CCDC178: variants seen among roughly 807,000 people sequenced by gnomAD.
The protein encoded by CCDC178 is coiled-coil domain-containing protein 178.
Under a neutral mutation model 117.4 loss-of-function variants are expected in CCDC178, and 126 were observed. The observed-to-expected ratio is 1.07, with a 90% CI of 0.93 to 1.24. The LOEUF (loss-of-function observed/expected upper bound fraction) is 1.24. Among genes scored for constraint, CCDC178 ranks in the 50% most tolerant of loss-of-function variants. CCDC178 has a pLI of 0.00. For synonymous variants in CCDC178, 283 were observed against 313.4 expected (o/e 0.90, Z 1.02); for missense variants, 1,030 against 986.9 (o/e 1.04, Z -0.59).
chr18:33,411,966 A>G (rs1013121174), intron 3 of CCDC178, 65 bp downstream of exon 3: 3 of 858,884 alleles, frequency 3.5e-6, no homozygotes, highest in Non-Finnish European at 3.7e-6. Flanking sequence ...CCTCCTCTGT[A>G]AGTGATGTGA....
At chr18:33,326,388 A>G (rs529689678) in intron 10 of CCDC178, among the ~76,000 whole-genome samples, 34 of 152,120 alleles carry the variant, frequency 2.2e-4, no homozygotes, top group Non-Finnish European at 4.0e-4. Context: ...GCTGCTCAAG[A>G]AAGGGAGGGC....
chr18:33,377,323 CTTAGAG>C (rs1568186436), intron 5 of CCDC178, among the ~76,000 whole-genome samples: 10 of 4,978 alleles, frequency 2.0e-3, no homozygotes, highest in Non-Finnish European at 0.014. Flanking sequence ...TTTTAAGTTC[CTTAGAG>C]ATTTGGGATA....
At chr18:33,151,558 G>A (rs754304099) in intron 20 of CCDC178, among the ~76,000 whole-genome samples, 3 of 152,110 alleles carry the variant, frequency 2.0e-5, no homozygotes, top group African/African-American at 7.2e-5. Flanking sequence ...AAATGTAAAT[G>A]AGAATATTTT....
At chr18:33,342,678 C>A (rs553759939) in intron 9 of CCDC178, among the ~76,000 whole-genome samples, 1 of 152,276 alleles carries the variant, frequency 6.6e-6, no homozygotes, top group African/African-American at 2.4e-5. Context: ...CTGAACCCAA[C>A]ATACAGCCTT....
intron 22 of CCDC178, among the ~76,000 whole-genome samples, chr18:32,946,604 A>G (rs890774439): frequency 6.6e-6 from 1 of 152,090 alleles, no homozygotes; most frequent in African/African-American, 2.4e-5. Flanking sequence ...TATATTTTAG[A>G]ACCTAGTCCG....
At chr18:33,078,095 T>C (rs1290005157) in intron 21 of CCDC178, among the ~76,000 whole-genome samples, 2 of 152,296 alleles carry the variant, frequency 1.3e-5, no homozygotes, top group East Asian at 3.9e-4. Context: ...CATGATGAAG[T>C]AGGCTTCATC....
rs186514123 is a variant in CCDC178, at chr18:33,092,807, T to C, written c.2342A>G (p.Tyr781Cys). The C allele has an allele frequency of 4.5e-6, 7 of 1,553,940 alleles. No homozygotes were observed. In the East Asian group the frequency reaches 1.4e-4, roughly 30 times the overall value. The change falls in exon 21 of 23, where the codon TAT becomes TGT. Residue 781 changes from tyrosine (Y) to cysteine (C), a missense_variant. Coordinates refer to ENST00000383096, the MANE Select transcript of CCDC178 (RefSeq NM_001105528.4). ...LKEKDNYFNI[Y>C]DKQLSLDTSI... ...AGTATCAAGTGATAGCTGTTTATCATATATATTGAAATAATTGTCCTTTTC... is the reference window on the plus strand; with the variant it reads ...AGTATCAAGTGATAGCTGTTTATCACATATATTGAAATAATTGTCCTTTTC...
intron 21 of CCDC178, among the ~76,000 whole-genome samples, chr18:32,977,419 T>C (rs1336646401): frequency 2.0e-5 from 3 of 152,280 alleles, no homozygotes; most frequent in South Asian, 4.1e-4. Flanking sequence ...CATCTAGATA[T>C]GCTTGTTAGA....
At chr18:33,029,077 G>A (rs2056284716) in intron 21 of CCDC178, among the ~76,000 whole-genome samples, 1 of 151,874 alleles carries the variant, frequency 6.6e-6, no homozygotes, top group African/African-American at 2.4e-5. Context: ...TTTTGGAAGA[G>A]TTTGTAAAGA....
intron 20 of CCDC178, among the ~76,000 whole-genome samples, chr18:33,186,593 C>T (rs368781809): frequency 5.5e-4 from 84 of 152,160 alleles, no homozygotes; most frequent in African/African-American, 1.9e-3. Flanking sequence ...AGCAGAGAAA[C>T]TCTCCTCCCT....
At chr18:33,406,383 A>T (rs1385758775) in intron 3 of CCDC178, among the ~76,000 whole-genome samples, 2 of 152,062 alleles carry the variant, frequency 1.3e-5, no homozygotes, top group African/African-American at 4.8e-5. Flanking sequence ...GACAACATAG[A>T]ATTCTGATCA....
intron 14 of CCDC178, among the ~76,000 whole-genome samples, chr18:33,254,629 G>C (rs2059657412): frequency 1.3e-5 from 2 of 151,930 alleles, no homozygotes; most frequent in Admixed American, 1.3e-4. Flanking sequence ...GTTACCAATA[G>C]GACAAGCTTC....
chr18:33,112,706 T>C (rs150328240), intron 20 of CCDC178, among the ~76,000 whole-genome samples: 33 of 152,048 alleles, frequency 2.2e-4, no homozygotes, highest in South Asian at 4.1e-4. Flanking sequence ...AGGTTCATCA[T>C]ATGAATTGGG....
At chr18:33,129,509 A>C (rs1460016836) in intron 20 of CCDC178, among the ~76,000 whole-genome samples, 2 of 152,044 alleles carry the variant, frequency 1.3e-5, no homozygotes, top group African/African-American at 4.8e-5. Flanking sequence ...CATCTGTTCC[A>C]ATCACATACT....
Position 33,397,219 on chromosome 18 carries a change from T to G in CCDC178, c.59-11A>C. 6.3e-7 allele frequency: 1 copy of G among 1,582,590 alleles called. No homozygotes were observed. Among genetic ancestry groups the G allele is most frequent in the East Asian group, 2.2e-5 (1 of 44,514 alleles). Reference sequence around the variant, plus strand: ...CCTGACATGTTAAACCTATAAAAGGTAAAATAAAACAAAATAAAATATCTG... The same window carrying G: ...CCTGACATGTTAAACCTATAAAAGGGAAAATAAAACAAAATAAAATATCTG... On this transcript the variant is annotated splice_polypyrimidine_tract_variant and intron_variant, in intron 3 of 22. Coordinates refer to ENST00000383096, the MANE Select transcript of CCDC178 (RefSeq NM_001105528.4).
At chr18:33,002,777 C>G (rs971810964) in intron 21 of CCDC178, among the ~76,000 whole-genome samples, 2 of 151,262 alleles carry the variant, frequency 1.3e-5, no homozygotes, top group African/African-American at 4.9e-5. Flanking sequence ...ATTGACAAAC[C>G]TTTAGCCAAA....
At chr18:33,014,965 C>T (rs888509363) in intron 21 of CCDC178, among the ~76,000 whole-genome samples, 2 of 152,000 alleles carry the variant, frequency 1.3e-5, no homozygotes, top group Non-Finnish European at 2.9e-5. Flanking sequence ...TGGAAAGAAA[C>T]AGGAAAGAGG....
chr18:33,088,806 A>G (rs1006529386), intron 21 of CCDC178, among the ~76,000 whole-genome samples: 12 of 152,138 alleles, frequency 7.9e-5, no homozygotes, highest in African/African-American at 2.9e-4. Flanking sequence ...CACAAAAATC[A>G]TAGCATATGC....
At chr18:33,286,845 C>A (rs891550196) in intron 12 of CCDC178, among the ~76,000 whole-genome samples, 2 of 151,920 alleles carry the variant, frequency 1.3e-5, no homozygotes, top group African/African-American at 2.4e-5. Flanking sequence ...GATATAAATG[C>A]CTTTTTTATA....
Sources: gnomAD v4.1 joint callset for allele counts (sites outside exome capture counted in the v4.1 genomes callset) on GRCh38, gnomAD v4.1.1 for gene constraint, MANE v1.5 for transcripts, NCBI Gene and HGNC (gene_info 2026-07-23, HGNC 2026-07-21) for gene names.